Variants in CCDC33 observed in about 807,000 individuals in gnomAD.
The protein encoded by CCDC33 is coiled-coil domain containing 33.
In CCDC33, 94 loss-of-function variants were observed where a neutral mutation model predicts 91.9. The ratio of observed to expected loss-of-function variants is 1.02; its 90% CI spans 0.87 to 1.21. The LOEUF is 1.21. Among genes scored for constraint, CCDC33 ranks in the 50% most tolerant of loss-of-function variants. The pLI, the probability that CCDC33 is intolerant of heterozygous loss-of-function variation, is 0.00. For missense variants in CCDC33, 940 were observed against 935.5 expected (o/e 1.00, Z -0.06); for synonymous variants, 396 against 374.5 (o/e 1.06, Z -0.66).
At chr15:74,267,375 G>A (rs1378768354) in intron 4 of CCDC33, among the ~76,000 whole-genome samples, 1 of 152,218 alleles carries the variant, frequency 6.6e-6, no homozygotes, top group Non-Finnish European at 1.5e-5. Flanking sequence ...ATGGAATAAA[G>A]CATTCCCTGG....
chr15:74,233,112 C>G (rs1408666484), upstream of CCDC33, among the ~76,000 whole-genome samples: 1 of 152,214 alleles, frequency 6.6e-6, no homozygotes, highest in Non-Finnish European at 1.5e-5. Flanking sequence ...ATCCCGGAGG[C>G]CTTCCTCGAC....
intron 2 of CCDC33, among the ~76,000 whole-genome samples, chr15:74,210,020 A>T (rs560890022): frequency 6.6e-6 from 1 of 152,300 alleles, no homozygotes; most frequent in East Asian, 1.9e-4. Flanking sequence ...ACAATGCCAG[A>T]GCCAGGCCTG....
At chr15:74,296,166 T>C (rs960302489) in intron 11 of CCDC33, among the ~76,000 whole-genome samples, 3 of 152,238 alleles carry the variant, frequency 2.0e-5, no homozygotes, top group Non-Finnish European at 2.9e-5. Context: ...GGAACTCCCG[T>C]GTAATTTCTT....
chr15:74,285,151 T>C (rs1427786283), intron 10 of CCDC33, among the ~76,000 whole-genome samples: 2 of 152,126 alleles, frequency 1.3e-5, no homozygotes, highest in African/African-American at 4.8e-5. Flanking sequence ...GAGAAATGAA[T>C]GCGCGTGCCG....
intron 13 of CCDC33, 40 bp downstream of exon 13, chr15:74,330,791 G>T (rs2060415965): frequency 1.3e-6 from 2 of 1,569,852 alleles, no homozygotes; most frequent in African/African-American, 1.4e-5. Context: ...AGGGAGCTAT[G>T]GTGGGGGAGC....
At position 74,236,508 on chromosome 15, in the gene CCDC33, G is replaced by C; in HGVS notation, c.-212G>C. The C allele has an allele frequency of 2.8e-6, 1 of 357,298 alleles. No individual in the cohort carries two copies. Among genetic ancestry groups the C allele is most frequent in the South Asian group, 4.0e-5 (1 of 25,250 alleles). 22.1% of individuals were successfully genotyped at this position (357,298 alleles called of 1,614,324 possible). ...AGAGATCCAGGACCTGCTCCCACCTGGCCACCCTCCCCCTCCCCCCACATC... is the reference window on the plus strand; with the variant it reads ...AGAGATCCAGGACCTGCTCCCACCTCGCCACCCTCCCCCTCCCCCCACATC... On this transcript the variant is annotated 5_prime_UTR_variant, in exon 1 of 19. Coordinates refer to ENST00000398814, the MANE Select transcript of CCDC33 (RefSeq NM_025055.5).
At chr15:74,281,027 C>T (rs1406324596) in intron 9 of CCDC33, among the ~76,000 whole-genome samples, 1 of 152,208 alleles carries the variant, frequency 6.6e-6, no homozygotes, top group East Asian at 1.9e-4. Context: ...GAGAAATTGC[C>T]CCTGAGCAAC....
At chr15:74,258,582 C>T (rs981051143) in intron 2 of CCDC33, among the ~76,000 whole-genome samples, 9 of 152,216 alleles carry the variant, frequency 5.9e-5, no homozygotes, top group Admixed American at 6.5e-5. Flanking sequence ...GGTACTCACA[C>T]CTCTCTGGGC....
Position 74,244,173 on chromosome 15 carries a change from G to A in CCDC33, c.185+25G>A, listed in dbSNP as rs776717767. The A allele has an allele frequency of 3.1e-6, 5 of 1,596,850 alleles. No homozygotes were observed. The highest frequency in any genetic ancestry group is 4.3e-6 in the Non-Finnish European group (5 of 1,169,256). Reference sequence around the variant, plus strand: ...TGTAAGTAGCTGCGTGAGAGTGGGGGCAGGGGATGGGTTGGGCTGTGAGCA... The same window carrying A: ...TGTAAGTAGCTGCGTGAGAGTGGGGACAGGGGATGGGTTGGGCTGTGAGCA... On this transcript the variant is annotated intron_variant, in intron 2 of 18. Coordinates refer to ENST00000398814, the MANE Select transcript of CCDC33 (RefSeq NM_025055.5). The surrounding 1 kb of genome is among the most constrained non-coding windows in gnomAD (Gnocchi z 4.2).
At chr15:74,325,952 G>T (rs548066958) in intron 11 of CCDC33, among the ~76,000 whole-genome samples, 1 of 152,156 alleles carries the variant, frequency 6.6e-6, no homozygotes, top group Admixed American at 6.5e-5. Context: ...GTGGGAACTG[G>T]TCCTCAGTTT....
chr15:74,335,239 A>G (rs2060541277), intron 18 of CCDC33, 151 bp downstream of exon 18: 8 of 759,792 alleles, frequency 1.1e-5, no homozygotes, highest in Admixed American at 8.9e-5. Context: ...TTCCTGCTCC[A>G]TTACCAACCG....
intron 1 of CCDC33, among the ~76,000 whole-genome samples, chr15:74,208,600 C>T (rs1334595439): frequency 6.6e-6 from 1 of 152,132 alleles, no homozygotes. Flanking sequence ...CTCCTGCTAG[C>T]CCCCCAGTGT....
At chr15:74,251,495 G>A (rs1397316822) in intron 2 of CCDC33, among the ~76,000 whole-genome samples, 1 of 152,264 alleles carries the variant, frequency 6.6e-6, no homozygotes, top group Admixed American at 6.5e-5. Context: ...AAGGCTGCAT[G>A]TCAGGGCTGC....
Position 74,221,151 on chromosome 15 carries a change from A to G in CCDC33, c.675+2290A>G, listed in dbSNP as rs75932960. ...ATCAGGCATTTCAACAATTGAATCT[A>G]TTCAATTCAGAACTTGGTTGTAGGC... is the stretch of plus-strand genomic sequence containing the variant. On this transcript the variant is annotated intron_variant, in intron 2 of 2. Coordinates refer to the CCDC33 transcript ENST00000635913. The G allele has an allele frequency of 2.4e-3, 2,284 of 933,418 alleles. 39 individuals are homozygous for G. In the African/African-American group the frequency reaches 0.039, roughly 16 times the overall value. The allele number at this position is 933,418 out of a possible 1,614,324, so 57.8% of individuals were successfully genotyped here.
intron 16 of CCDC33, 111 bp downstream of exon 16, chr15:74,332,956 C>T: frequency 7.6e-7 from 1 of 1,310,288 alleles, no homozygotes; most frequent in Admixed American, 2.5e-5. Flanking sequence ...TTCCCAGGGT[C>T]TCCAGTCTGC....
At chr15:74,288,153 C>T (rs774164424) in intron 10 of CCDC33, among the ~76,000 whole-genome samples, 21 of 152,254 alleles carry the variant, frequency 1.4e-4, no homozygotes, top group Admixed American at 5.9e-4. Flanking sequence ...CCAGGATGCC[C>T]TCTCCATCCT....
At chr15:74,280,643 G>T in intron 8 of CCDC33, 25 bp from the exon 9 acceptor site, 1 of 1,444,398 alleles carries the variant, frequency 6.9e-7, no homozygotes, top group Non-Finnish European at 9.2e-7. Context: ...TTTGGCAGGA[G>T]CCCTAGTTGA....
At chr15:74,203,354 G>T in intron 1 of CCDC33, 1 of 300,690 alleles carries the variant, frequency 3.3e-6, no homozygotes, top group Non-Finnish European at 4.9e-6. Context: ...GGTTGAGGGT[G>T]AGCAAGGGAA....
chr15:74,318,414 C>A lies in CCDC33; in HGVS notation c.1291-11775C>A, dbSNP rs553281473. 8.6e-4 allele frequency: 462 copies of A among 539,972 alleles called. 3 individuals are homozygous for A. The highest frequency in any genetic ancestry group is 2.8e-3 in the Middle Eastern group (6 of 2,126). 33.4% of individuals were successfully genotyped at this position (539,972 alleles called of 1,614,324 possible). ...TACAATTCTGTGGCCAAGGAGTGAACCTTGCATGATTTCAGCCACCCCACC... is the reference window on the plus strand; with the variant it reads ...TACAATTCTGTGGCCAAGGAGTGAAACTTGCATGATTTCAGCCACCCCACC... On this transcript the variant is annotated intron_variant, in intron 11 of 18. Transcript: ENST00000398814.
Sources: allele counts gnomAD v4.1 joint callset (sites outside exome capture counted in the v4.1 genomes callset), GRCh38; gene constraint gnomAD v4.1.1; non-coding constraint Gnocchi (gnomAD v3.1); transcripts MANE v1.5; gene names NCBI Gene and HGNC (gene_info 2026-07-23, HGNC 2026-07-21).